ZNF560: variants seen among roughly 807,000 people sequenced by gnomAD.
The protein encoded by ZNF560 is zinc finger protein 560.
A neutral mutation model predicts 81.8 loss-of-function variants in ZNF560; 54 were observed. The ratio of observed to expected loss-of-function variants is 0.66; its 90% confidence interval spans 0.53 to 0.83. ZNF560 has a LOEUF of 0.83. ZNF560 is among the 40% of genes least tolerant of loss of function. The pLI is 0.00. For synonymous variants in ZNF560, 321 were observed against 317.9 expected, an observed-to-expected ratio of 1.01 and a Z score of -0.10; for missense variants, 940 against 932.4, an observed-to-expected ratio of 1.01 and a Z score of -0.11.
intron 2 of ZNF560, among the ~76,000 whole-genome samples, chr19:9,494,254 A>G (rs1239200060): frequency 6.6e-6 from 1 of 152,170 alleles, no homozygotes; most frequent in East Asian, 1.9e-4. Context: ...AACCATTATA[A>G]GAGAATCAAA....
chr19:9,468,241 G>A lies in ZNF560; in HGVS notation c.706C>T (p.Gln236Ter), dbSNP rs955788484. ...CATTCAGACGTGTTGCCTCTATTTT[G>A]AGTACTCATGTTGGTCTTAAGGCAT... ...HPCLKTNMST[Q>*]NRGNTSECIQ... The change falls in exon 10 of 10, where the codon CAA becomes TAA. Residue 236 changes from glutamine (Q) to a stop codon, truncating the protein, a stop_gained. Transcript: ENST00000301480. LOFTEE classifies it high-confidence loss of function. The A allele has an allele frequency of 6.2e-7, 1 of 1,614,042 alleles. No homozygotes were observed. Among genetic ancestry groups the A allele is most frequent in the Non-Finnish European group, 8.5e-7 (1 of 1,179,980 alleles).
rs1022385797 is a variant in ZNF560 at position 9,468,174 on chromosome 19, GT to G, written c.772del (p.Thr258ProfsTer4). On this transcript the variant is annotated frameshift_variant, in exon 10 of 10. Transcript: ENST00000301480. LOFTEE classifies it high-confidence loss of function. ...AKDLLSLYNK[T>X]STIRKVSVFS... ...CACAGAAACTTTCCTTATGGTAGAG[GT>G]TTTATTGTATAGAGAAAGGAGGTCT... The G allele has an allele frequency of 3.7e-6, 6 of 1,614,126 alleles. No homozygotes were observed. Among genetic ancestry groups the G allele is most frequent in the Non-Finnish European group, 5.1e-6 (6 of 1,180,010 alleles).
intron 3 of ZNF560, 81 bp from the exon 4 acceptor site, chr19:9,474,406 A>G: frequency 2.0e-6 from 3 of 1,486,034 alleles, no homozygotes; most frequent in Non-Finnish European, 1.8e-6. Context: ...ACAGACCCCA[A>G]TGCCTATAAA....
chr19:9,504,518 T>C, the ZNF560 span, among the ~76,000 whole-genome samples: 639 of 152,352 alleles, frequency 4.2e-3, 2 homozygotes, highest in Non-Finnish European at 7.2e-3. Context: ...AGATGTTCCA[T>C]GTGAACTTAA....
chr19:9,470,587 A>G (rs1182363575), intron 6 of ZNF560, 69 bp from the exon 7 acceptor site: 2 of 1,612,026 alleles, frequency 1.2e-6, no homozygotes, highest in East Asian at 4.5e-5. Flanking sequence ...AAGAATGAGG[A>G]AGGGGGACCC....
chr19:9,474,044 C>T (rs2073161916), intron 4 of ZNF560, among the ~76,000 whole-genome samples, 155 bp downstream of exon 4: 1 of 152,188 alleles, frequency 6.6e-6, no homozygotes, highest in African/African-American at 2.4e-5. Flanking sequence ...CGAAACTGGA[C>T]CACACTTTGA....
chr19:9,460,340 G>A, the ZNF560 span, among the ~76,000 whole-genome samples: 5 of 152,256 alleles, frequency 3.3e-5, no homozygotes, highest in Admixed American at 3.3e-4. Context: ...AGCAGTCACA[G>A]TGAGTAATTT....
upstream of ZNF560, among the ~76,000 whole-genome samples, chr19:9,500,598 C>G (rs1028696356): frequency 6.6e-6 from 1 of 151,418 alleles, no homozygotes; most frequent in Non-Finnish European, 1.5e-5. Context: ...TTTTTTGAGA[C>G]AATCTCGCTC....
At chr19:9,451,611 A>G in the ZNF560 span, among the ~76,000 whole-genome samples, 4 of 152,236 alleles carry the variant, frequency 2.6e-5, no homozygotes, top group Admixed American at 6.5e-5. Context: ...ACAAAAATTG[A>G]TAAGTAGGAC....
chr19:9,502,527 G>A (rs1227824380), upstream of ZNF560, among the ~76,000 whole-genome samples: 1 of 152,020 alleles, frequency 6.6e-6, no homozygotes, highest in Non-Finnish European at 1.5e-5. Context: ...CTACTTTTTT[G>A]GAGGATATTG....
intron 6 of ZNF560, 140 bp from the exon 7 acceptor site, chr19:9,470,658 G>C: frequency 9.0e-7 from 1 of 1,109,434 alleles, no homozygotes; most frequent in East Asian, 2.4e-5. Flanking sequence ...AGTGGCCCTA[G>C]GAACTCTTCT....
At chr19:9,483,864 G>C (rs973299244) in intron 2 of ZNF560, among the ~76,000 whole-genome samples, 5 of 151,576 alleles carry the variant, frequency 3.3e-5, no homozygotes, top group Non-Finnish European at 7.4e-5. Context: ...GGGGAAATGT[G>C]GGGGAAAGAT....
Position 9,466,879 on chromosome 19 carries a change from C to T in ZNF560, c.2068G>A (p.Gly690Arg), listed in dbSNP as rs2073029048. ...CACATGGAATTTCGAAAGGAATTTC[C>T]ACATGCGTTACATTCAGAGGTCTTC... ...AEKTSECNAC[G>R]NSFRNSMCFH... Residue 690 changes from glycine (G) to arginine (R), a missense_variant, in exon 10 of 10, where the codon GGA (glycine) becomes AGA (arginine). Coordinates refer to ENST00000301480, the MANE Select transcript of ZNF560 (RefSeq NM_152476.3). 6.2e-7 allele frequency: 1 copy of T among 1,613,972 alleles called. No homozygotes were observed. The highest frequency in any genetic ancestry group is 2.2e-5 in the East Asian group (1 of 44,864).
chr19:9,495,484 T>A (rs2073543094), intron 2 of ZNF560, among the ~76,000 whole-genome samples: 1 of 152,172 alleles, frequency 6.6e-6, no homozygotes, highest in South Asian at 2.1e-4. Context: ...GGTGGGCCAA[T>A]CACTTGATGC....
the ZNF560 span, among the ~76,000 whole-genome samples, chr19:9,456,296 G>C: frequency 6.6e-6 from 1 of 152,232 alleles, no homozygotes; most frequent in African/African-American, 2.4e-5. Flanking sequence ...CTTCTGGGAA[G>C]ATCTAGTTTA....
chr19:9,480,011 T>C (rs920586748), intron 2 of ZNF560, among the ~76,000 whole-genome samples: 1 of 152,120 alleles, frequency 6.6e-6, no homozygotes, highest in Non-Finnish European at 1.5e-5. Context: ...AGAGATAGAT[T>C]GCAATAAAAT....
the ZNF560 span, among the ~76,000 whole-genome samples, chr19:9,449,032 C>G: frequency 6.6e-6 from 1 of 152,208 alleles, no homozygotes; most frequent in Non-Finnish European, 1.5e-5. Flanking sequence ...TCTAGACCTA[C>G]AAACAGACAG....
rs1052446539 is a variant in ZNF560 at position 9,474,457 on chromosome 19, T to C, written c.31-132A>G. 73 of 1,003,186 alleles carry C rather than the reference T, an allele frequency of 7.3e-5. No individual in the cohort carries two copies. In the South Asian group the frequency reaches 9.0e-4, roughly 12 times the overall value. The allele number at this position is 1,003,186 out of a possible 1,614,324, so 62.1% of individuals were successfully genotyped here. ...TCATTATCTACCCAAAGCTTAATAATCCCAGGTAAATCTCAGGTATTCCTC... is the reference window on the plus strand; with the variant it reads ...TCATTATCTACCCAAAGCTTAATAACCCCAGGTAAATCTCAGGTATTCCTC... On this transcript the variant is annotated intron_variant, in intron 3 of 9. Coordinates refer to ENST00000301480, the MANE Select transcript of ZNF560 (RefSeq NM_152476.3).
chr19:9,483,262 C>T (rs1346917736), intron 2 of ZNF560, among the ~76,000 whole-genome samples: 1 of 151,602 alleles, frequency 6.6e-6, no homozygotes, highest in Non-Finnish European at 1.5e-5. Context: ...GTGGGGAGCA[C>T]CTCTGCCCCG....
Sources: gnomAD v4.1 joint callset for allele counts (sites outside exome capture counted in the v4.1 genomes callset) on GRCh38, gnomAD v4.1.1 for gene constraint, MANE v1.5 for transcripts, NCBI Gene and HGNC (gene_info 2026-07-23, HGNC 2026-07-21) for gene names.